Variants in A2M observed in about 807,000 individuals in gnomAD.
A2M encodes alpha-2-macroglobulin, also known as C3 and PZP-like alpha-2-macroglobulin domain-containing protein 5.
A2M carries 128 observed loss-of-function variants against 183.9 expected under a neutral mutation model. The observed-to-expected ratio is 0.70, with a 90% CI of 0.60 to 0.81. The LOEUF is 0.81. Ranked by LOEUF, A2M falls within the 30% of genes least tolerant of loss-of-function variation. The pLI is 0.00. For synonymous variants in A2M, 592 were observed against 670.8 expected, an observed-to-expected ratio of 0.88 and a Z score of 1.81; for missense variants, 1,495 against 1,787.6, an observed-to-expected ratio of 0.84 and a Z score of 2.95.
At chr12:9,102,717 G>C (rs191019697) in intron 11 of A2M, among the ~76,000 whole-genome samples, 2 of 151,960 alleles carry the variant, frequency 1.3e-5, no homozygotes, top group African/African-American at 4.8e-5. Flanking sequence ...GTATATTTTG[G>C]TGACAACACA....
intron 22 of A2M, among the ~76,000 whole-genome samples, chr12:9,087,042 A>T (rs1281070658): frequency 2.0e-5 from 3 of 152,218 alleles, no homozygotes; most frequent in Non-Finnish European, 4.4e-5. Flanking sequence ...CAATAGCTAT[A>T]AACAATATGT....
chr12:9,107,991 C>T (rs1938434554), intron 7 of A2M, among the ~76,000 whole-genome samples: 4 of 151,916 alleles, frequency 2.6e-5, no homozygotes, highest in Admixed American at 2.6e-4. Context: ...ACAAAAAAAA[C>T]CCAAACGCCC....
Position 9,095,539 on chromosome 12 carries a change from C to T in A2M, c.2013G>A (p.Glu671=). 6.2e-7 allele frequency: 1 copy of T among 1,609,676 alleles called. No homozygotes were observed. The part of the protein sequence containing the change: ...TNEKDMYSFL[E]DMGLKAFTNS... ...ACCATCTGCAACATAAGGAGTTTAC[C>T]TCTAGGAAGCTGTACATATCCTTTT... The change falls in exon 16 of 36, where the codon GAG becomes GAA. Residue 671 remains glutamate (E), a splice_region_variant and synonymous_variant. Transcript: ENST00000318602.
In A2M at chr12:9,112,334, T is replaced by A. The variant is rs750855778; in HGVS notation, c.430+43A>T. The A allele has an allele frequency of 1.2e-5, 20 of 1,603,646 alleles. No homozygotes were observed. The Admixed American group carries it at 3.0e-4, about 24-fold the overall frequency. On this transcript the variant is annotated intron_variant, in intron 3 of 35. Coordinates refer to ENST00000318602, the MANE Select transcript of A2M (RefSeq NM_000014.6). ...CTGGGGAACATCCAGGGGAAGAAGA[T>A]CTTTCCTTTTTGAAGTTGTCCTGTC...
At chr12:9,088,039 A>T (rs1360731485) in intron 22 of A2M, among the ~76,000 whole-genome samples, 1 of 152,160 alleles carries the variant, frequency 6.6e-6, no homozygotes, top group Non-Finnish European at 1.5e-5. Flanking sequence ...CCAAGGAAAG[A>T]CCTAGATCTA....
Position 9,095,018 on chromosome 12 carries a change from G to A in A2M, c.2080C>T (p.Gln694Ter), listed in dbSNP as rs866720202. The change falls in exon 17 of 36, where the codon CAG becomes TAG. Residue 694 changes from glutamine to a stop codon, truncating the protein, a stop_gained. Coordinates refer to ENST00000318602, the MANE Select transcript of A2M (RefSeq NM_000014.6). LOFTEE classifies it high-confidence loss of function. ...CCTTCAGGTCCATGCATTTCATACTGTTGAAGCTGTGGACACATTTTGGGT... is the reference window on the plus strand; with the variant it reads ...CCTTCAGGTCCATGCATTTCATACTATTGAAGCTGTGGACACATTTTGGGT... ...RKPKMCPQLQ[Q>*]YEMHGPEGLR... 6.3e-7 allele frequency: 1 copy of A among 1,595,554 alleles called. No individual in the cohort carries two copies. Among genetic ancestry groups the A allele is most frequent in the Non-Finnish European group, 8.5e-7 (1 of 1,169,868 alleles).
rs1948617826 is a variant in A2M, at chr12:9,072,789, A to G, written c.3839T>C (p.Ile1280Thr). ...GCTGGAAAATGTCCCTGAAGACTGG[A>G]TAGTCACCTGTGCAGCCTTCCCAGT... Reference protein sequence around the residue: ...TRTGKAAQVTIQSSGTFSSKF... With the variant: ...TRTGKAAQVTTQSSGTFSSKF... Residue 1280 changes from isoleucine (I) to threonine (T), a missense_variant, in exon 30 of 36, where the codon ATC (isoleucine) becomes ACC (threonine). By Grantham distance (89) the Ile-to-Thr change is moderately conservative (BLOSUM62 -1). Coordinates refer to ENST00000318602, the MANE Select transcript of A2M (RefSeq NM_000014.6). 1 of 1,614,072 alleles carries G rather than the reference A, an allele frequency of 6.2e-7. No individual in the cohort carries two copies. The highest frequency in any genetic ancestry group is 1.3e-5 in the African/African-American group (1 of 74,916).
chr12:9,113,721 A>C (rs143890593), intron 1 of A2M, among the ~76,000 whole-genome samples, 178 bp from the exon 2 acceptor site: 4 of 152,332 alleles, frequency 2.6e-5, no homozygotes, highest in Non-Finnish European at 5.9e-5. Context: ...CTTTTCCCTC[A>C]CATGCCATGG....
At chr12:9,095,806 G>A (rs1037228447) in intron 15 of A2M, 106 bp from the exon 16 acceptor site, 25 of 936,586 alleles carry the variant, frequency 2.7e-5, no homozygotes, top group Non-Finnish European at 3.5e-5. Context: ...AGGCCGGACC[G>A]CGGACTGCAG....
At chr12:9,089,875 G>C in intron 21 of A2M, 27 bp downstream of exon 21, 1 of 1,523,908 alleles carries the variant, frequency 6.6e-7, no homozygotes, top group Non-Finnish European at 9.0e-7. Flanking sequence ...TATTATTGTG[G>C]ACTATATATT....
chr12:9,106,509 T>G lies in A2M; in HGVS notation c.976A>C (p.Ile326Leu), dbSNP rs769791745. 4 of 1,597,294 alleles carry G rather than the reference T, an allele frequency of 2.5e-6. No homozygotes were observed. The highest frequency in any genetic ancestry group is 2.3e-5 in the South Asian group (2 of 88,576). Residue 326 changes from isoleucine to leucine, a missense_variant, in exon 9 of 36, where the codon ATC (isoleucine) becomes CTC (leucine). Coordinates refer to ENST00000318602, the MANE Select transcript of A2M (RefSeq NM_000014.6). The stretch of plus-strand genomic sequence containing the variant: ...CACAAACCTGTTCCTTCTTCTTGGA[T>G]CTGGGCCTCAGTGTGAAGTTTCATT... ...YEMKLHTEAQ[I>L]QEEGTVVELT...
Position 9,072,642 on chromosome 12 carries a change from AAG to A in A2M, c.3975+9_3975+10del. 1 of 1,613,806 alleles carries A rather than the reference AAG, an allele frequency of 6.2e-7. No individual in the cohort carries two copies. ...TCATCTGTCCTGTCCTCACCTGCCCAAGAGTCTCACCTGGAGGTAGACACATC... is the reference window on the plus strand; with the variant it reads ...TCATCTGTCCTGTCCTCACCTGCCCAAGTCTCACCTGGAGGTAGACACATC... On this transcript the variant is annotated intron_variant, in intron 30 of 35. Transcript: ENST00000318602.
chr12:9,094,912 T>C, intron 17 of A2M, 61 bp downstream of exon 17: 1 of 925,534 alleles, frequency 1.1e-6, no homozygotes, highest in Non-Finnish European at 1.5e-6. Context: ...TTGTATCTTT[T>C]AAAAAATTTA....
At chr12:9,084,693 AT>A (rs1377786852) in intron 22 of A2M, among the ~76,000 whole-genome samples, 1 of 152,172 alleles carries the variant, frequency 6.6e-6, no homozygotes. Context: ...ATTACCTTGA[AT>A]GCAAATGGAC....
chr12:9,076,595 A>G lies in A2M; in HGVS notation c.3532+161T>C, dbSNP rs577006110. On this transcript the variant is annotated intron_variant, in intron 28 of 35. Coordinates refer to ENST00000318602, the MANE Select transcript of A2M (RefSeq NM_000014.6). ...TCTTCTGATTTCTGATTTGATTAAG[A>G]AATCCTAGATTTTATAAGATGCAAT... Among the ~76,000 whole-genome samples the G allele has an allele frequency of 4.7e-4, 72 of 152,358 alleles. 2 individuals carry two copies. The South Asian group carries it at 0.015, about 31-fold the overall frequency.
intron 7 of A2M, among the ~76,000 whole-genome samples, chr12:9,108,923 G>A (rs1454342102): frequency 2.0e-5 from 3 of 152,162 alleles, no homozygotes; most frequent in Non-Finnish European, 2.9e-5. Flanking sequence ...ATGATCTGTT[G>A]ATGATTGAAT....
chr12:9,100,486 C>T (rs1267183178), intron 13 of A2M, among the ~76,000 whole-genome samples: 2 of 151,470 alleles, frequency 1.3e-5, no homozygotes, highest in Non-Finnish European at 2.9e-5. Flanking sequence ...ACTATGTTGA[C>T]CAGGCTGGTC....
At position 9,089,192 on chromosome 12, in the gene A2M, A is replaced by G; in HGVS notation, c.2770+8T>C. 1 of 1,574,090 alleles carries G rather than the reference A, an allele frequency of 6.4e-7. No individual in the cohort carries two copies. The highest frequency in any genetic ancestry group is 8.7e-7 in the Non-Finnish European group (1 of 1,154,220). ...AATGTTTTTTAAATTATGATGGTTG[A>G]CTCTTACCTGATGGACAAAGTAGGG... is the stretch of plus-strand genomic sequence containing the variant. On this transcript the variant is annotated splice_region_variant and intron_variant, in intron 22 of 35. Transcript: ENST00000318602.
intron 1 of A2M, among the ~76,000 whole-genome samples, 173 bp downstream of exon 1, chr12:9,115,590 GA>G (rs1462218599): frequency 1.3e-5 from 2 of 152,126 alleles, no homozygotes; most frequent in Non-Finnish European, 2.9e-5. Context: ...AGTTGGGGAA[GA>G]ATGATTAAAA....
Sources: gnomAD v4.1 joint callset for allele counts (sites outside exome capture counted in the v4.1 genomes callset) on GRCh38, gnomAD v4.1.1 for gene constraint, MANE v1.5 for transcripts, NCBI Gene and HGNC (gene_info 2026-07-23, HGNC 2026-07-21) for gene names.